The following TMEM131L variants were observed in gnomAD, a reference collection of about 807,000 sequenced individuals.
TMEM131L encodes the protein transmembrane protein 131-like.
TMEM131L carries 54 observed loss-of-function variants against 192.2 expected under a neutral mutation model. The ratio of observed to expected loss-of-function variants is 0.28; its 90% confidence interval spans 0.23 to 0.35. The LOEUF is 0.35. Ranked by LOEUF, TMEM131L falls within the 10% of genes least tolerant of loss-of-function variation. The pLI, the probability that TMEM131L is intolerant of heterozygous loss-of-function variation, is 1.00. For synonymous variants in TMEM131L, 701 were observed against 704.9 expected (o/e 0.99, Z 0.09); for missense variants, 1,888 against 1,972.9 (o/e 0.96, Z 0.82).
chr4:153,522,520 T>C (rs943092694), intron 3 of TMEM131L, among the ~76,000 whole-genome samples: 1 of 152,136 alleles, frequency 6.6e-6, no homozygotes, highest in Non-Finnish European at 1.5e-5. Context: ...CCAGGAAGCG[T>C]GACCCTTCCC....
At chr4:153,599,504 C>T (rs1731681527) in intron 21 of TMEM131L, among the ~76,000 whole-genome samples, 1 of 152,102 alleles carries the variant, frequency 6.6e-6, no homozygotes, top group African/African-American at 2.4e-5. Context: ...CACAGCAAGA[C>T]CCCTTCTCTA....
In TMEM131L at chr4:153,550,353, C is replaced by T. The variant is rs755667260; in HGVS notation, c.308+212C>T. Among the ~76,000 whole-genome samples the T allele has an allele frequency of 5.8e-4, 89 of 152,174 alleles. 1 individual carries two copies. Among genetic ancestry groups the T allele is most frequent in the African/African-American group, 2.0e-3 (85 of 41,520 alleles). On this transcript the variant is annotated intron_variant, in intron 4 of 34. Coordinates refer to ENST00000409959, the MANE Select transcript of TMEM131L (RefSeq NM_001131007.2). ...TAATTTTTTCTTTTTTTGAGACAGA[C>T]TCCTGCTCTGTCCACCAGGCTGGAG... is the stretch of plus-strand genomic sequence containing the variant.
chr4:153,592,368 A>G (rs1731133017), intron 17 of TMEM131L, 107 bp from the exon 18 acceptor site: 3 of 711,146 alleles, frequency 4.2e-6, no homozygotes, highest in Non-Finnish European at 7.6e-6. Flanking sequence ...TCTTGATTGG[A>G]GTTACATGAT....
At chr4:153,511,236 G>A (rs1270912332) in intron 3 of TMEM131L, among the ~76,000 whole-genome samples, 1 of 152,184 alleles carries the variant, frequency 6.6e-6, no homozygotes, top group African/African-American at 2.4e-5. Context: ...CAACCTAAAT[G>A]CTCATCAATG....
chr4:153,628,215 CCTT>C (rs1265492791), intron 31 of TMEM131L, among the ~76,000 whole-genome samples: 3 of 152,334 alleles, frequency 2.0e-5, no homozygotes, highest in African/African-American at 7.2e-5. Flanking sequence ...AGTGCTGAGA[CCTT>C]CTGCCTGCGG....
chr4:153,591,168 A>C lies in TMEM131L; in HGVS notation c.1786A>C (p.Ser596Arg). ...AGAGCCTGGCCTCATGTTAAACTTC[A>C]GCGCAACTGCCCTTAGGAGCAGGAT... ...IAEPGLMLNF[S>R]ATALRSRMIK... The change falls in exon 17 of 35, where the codon AGC becomes CGC. Residue 596 changes from serine to arginine, a missense_variant. Coordinates refer to ENST00000409959, the MANE Select transcript of TMEM131L (RefSeq NM_001131007.2). The C allele has an allele frequency of 1.2e-6, 2 of 1,608,508 alleles. No individual in the cohort carries two copies. Among genetic ancestry groups the C allele is most frequent in the Non-Finnish European group, 1.7e-6 (2 of 1,176,752 alleles).
intron 3 of TMEM131L, among the ~76,000 whole-genome samples, chr4:153,517,235 C>T (rs1045852231): frequency 1.3e-5 from 2 of 152,160 alleles, no homozygotes; most frequent in Non-Finnish European, 2.9e-5. Flanking sequence ...TTGTTTCCAC[C>T]ATTGGACTTA....
intron 3 of TMEM131L, among the ~76,000 whole-genome samples, chr4:153,547,431 A>T (rs999003220): frequency 2.0e-5 from 3 of 152,248 alleles, no homozygotes; most frequent in Non-Finnish European, 4.4e-5. Flanking sequence ...AAGCTCAATC[A>T]GCTTCTCCAT....
chr4:153,623,212 T>C, intron 29 of TMEM131L, 129 bp downstream of exon 29: 1 of 744,486 alleles, frequency 1.3e-6, no homozygotes, highest in Non-Finnish European at 2.0e-6. Flanking sequence ...CCTTGACCTT[T>C]GCTTTGGACT....
At chr4:153,571,139 A>G (rs1729562544) in intron 7 of TMEM131L, among the ~76,000 whole-genome samples, 1 of 152,130 alleles carries the variant, frequency 6.6e-6, no homozygotes, top group African/African-American at 2.4e-5. Context: ...TGGGTCTACT[A>G]AAAACATCTA....
intron 3 of TMEM131L, among the ~76,000 whole-genome samples, chr4:153,548,133 C>T (rs915339127): frequency 2.0e-5 from 3 of 152,072 alleles, no homozygotes; most frequent in African/African-American, 7.2e-5. Context: ...TGTGGTTCTT[C>T]ACGTCGTTTC....
chr4:153,620,753 T>C lies in TMEM131L; in HGVS notation c.3568-3T>C. On this transcript the variant is annotated splice_polypyrimidine_tract_variant and splice_region_variant and intron_variant, in intron 26 of 34. Coordinates refer to ENST00000409959, the MANE Select transcript of TMEM131L (RefSeq NM_001131007.2). The stretch of plus-strand genomic sequence containing the variant: ...CATTAAACATTTACTTTCTCTTCTT[T>C]AGCAAGAAGATCCTTATAGGAAGAA... The C allele has an allele frequency of 6.7e-7, 1 of 1,496,064 alleles. No individual in the cohort carries two copies. Among genetic ancestry groups the C allele is most frequent in the Non-Finnish European group, 9.1e-7 (1 of 1,098,370 alleles). 92.7% of individuals were successfully genotyped at this position (1,496,064 alleles called of 1,614,324 possible).
intron 3 of TMEM131L, among the ~76,000 whole-genome samples, chr4:153,535,700 A>G (rs77074394): frequency 0.04 from 6,082 of 152,294 alleles, 320 homozygotes; most frequent in East Asian, 0.22. Flanking sequence ...TGAGTTTTCA[A>G]AAAGCACATC....
chr4:153,627,726 G>A, intron 31 of TMEM131L, 39 bp downstream of exon 31: 1 of 1,517,144 alleles, frequency 6.6e-7, no homozygotes, highest in Non-Finnish European at 9.2e-7. Context: ...TCAGCCAAGG[G>A]TTCTGTGCTG....
rs143387402 is a variant in TMEM131L, at chr4:153,585,541, G to A, written c.1241G>A (p.Arg414His). 8 of 1,613,778 alleles carry A rather than the reference G, an allele frequency of 5.0e-6. No individual in the cohort carries two copies. Among genetic ancestry groups the A allele is most frequent in the Admixed American group, 3.3e-5 (2 of 59,982 alleles). ...NTSGLWSIWY[R>H]NHFDRSVVLN... is the part of the protein sequence containing the mutation. ...TCAGGACTTTGGTCAATATGGTACC[G>A]CAACCATTTTGACCGTAGTGTTGTA... The change falls in exon 13 of 35, where the codon CGC (arginine) becomes CAC (histidine). Residue 414 changes from arginine to histidine, a missense_variant. Physicochemically the swap from Arg to His is conservative, Grantham distance 29. Transcript: ENST00000409959.
intron 9 of TMEM131L, among the ~76,000 whole-genome samples, 182 bp downstream of exon 9, chr4:153,581,742 G>C (rs997996426): frequency 1.1e-4 from 16 of 152,108 alleles, no homozygotes; most frequent in Non-Finnish European, 1.9e-4. Flanking sequence ...TATTATTTTG[G>C]GGAGAAGTGA....
intron 3 of TMEM131L, among the ~76,000 whole-genome samples, chr4:153,516,329 A>G (rs1335964707): frequency 6.6e-6 from 1 of 152,070 alleles, no homozygotes; most frequent in Non-Finnish European, 1.5e-5. Flanking sequence ...TCCCAGGCTC[A>G]AGCGATCCTC....
At chr4:153,503,954 A>G (rs560436117) in intron 3 of TMEM131L, among the ~76,000 whole-genome samples, 1 of 152,174 alleles carries the variant, frequency 6.6e-6, no homozygotes, top group Non-Finnish European at 1.5e-5. Context: ...AGTGAATGTT[A>G]AATGCACTTG....
intron 3 of TMEM131L, among the ~76,000 whole-genome samples, chr4:153,482,764 T>A (rs1732036800): frequency 1.3e-5 from 2 of 152,112 alleles, no homozygotes; most frequent in Admixed American, 1.3e-4. Flanking sequence ...GCTAATATTT[T>A]TTTTATTTTG....
Sources: allele counts gnomAD v4.1 joint callset (sites outside exome capture counted in the v4.1 genomes callset), GRCh38; gene constraint gnomAD v4.1.1; transcripts MANE v1.5; gene names NCBI Gene and HGNC (gene_info 2026-07-23, HGNC 2026-07-21).